The following AP2M1 variants were observed in gnomAD, a reference collection of about 807,000 sequenced individuals.
AP2M1 encodes adaptor related protein complex 2 subunit mu 1.
AP2M1 carries 5 observed loss-of-function variants against 54.5 expected under a neutral mutation model. The observed-to-expected ratio is 0.09, with a 90% CI of 0.05 to 0.19. The LOEUF (loss-of-function observed/expected upper bound fraction) is 0.19. AP2M1 is among the 10% of genes least tolerant of loss of function. AP2M1 has a pLI of 1.00. For synonymous variants in AP2M1, 186 were observed against 208.2 expected, an observed-to-expected ratio of 0.89 and a Z score of 0.92; for missense variants, 178 against 580.2, an observed-to-expected ratio of 0.31 and a Z score of 7.12.
intron 2 of AP2M1, chr3:184,177,529 G>C: frequency 6.5e-7 from 1 of 1,535,464 alleles, no homozygotes; most frequent in Non-Finnish European, 8.7e-7. Context: ...ATCCTCTCCT[G>C]CTCCCTTTCT....
chr3:184,179,183 G>A (rs1715187429), intron 3 of AP2M1, 61 bp downstream of exon 3: 11 of 1,586,634 alleles, frequency 6.9e-6, no homozygotes, highest in Non-Finnish European at 8.6e-6. Flanking sequence ...GGCTGGGCCT[G>A]GCCTGAAGGT....
At position 184,180,707 on chromosome 3, in the gene AP2M1, G is replaced by A. The variant is rs772615712; in HGVS notation, c.429+57G>A. 4.3e-6 allele frequency: 7 copies of A among 1,614,198 alleles called. No individual in the cohort carries two copies. Among genetic ancestry groups the A allele is most frequent in the Non-Finnish European group, 5.9e-6 (7 of 1,180,026 alleles). ...GCTTTGCTTTGTTTCTCCAGGCCCTGCCCTTTGGGGCTTATAGGGGAAAAT... is the reference window on the plus strand; with the variant it reads ...GCTTTGCTTTGTTTCTCCAGGCCCTACCCTTTGGGGCTTATAGGGGAAAAT... On this transcript the variant is annotated intron_variant, in intron 5 of 11. Transcript: ENST00000292807. This position sits in a 1 kb window ranked among gnomAD's most constrained non-coding sequence, Gnocchi z 4.9.
At chr3:184,177,100 C>G in intron 2 of AP2M1, 33 bp downstream of exon 2, 2 of 1,597,546 alleles carry the variant, frequency 1.3e-6, no homozygotes, top group Non-Finnish European at 1.7e-6. Flanking sequence ...CTGTGCCCCA[C>G]CACTCCAGCC....
rs1411264021 is a variant in AP2M1, at chr3:184,178,834, C to T, written c.75-23C>T. On this transcript the variant is annotated intron_variant, in intron 2 of 11. Coordinates refer to ENST00000292807, the MANE Select transcript of AP2M1 (RefSeq NM_004068.4). This position sits in a 1 kb window ranked among gnomAD's most constrained non-coding sequence, Gnocchi z 4.9. ...AAGGTTCACCTGGGTGCTGAGCAGG[C>T]CCTATGCACTCTTTTCCCTCAGGAG... The T allele has an allele frequency of 6.2e-7, 1 of 1,611,642 alleles. No individual in the cohort carries two copies. Among genetic ancestry groups the T allele is most frequent in the Admixed American group, 1.7e-5 (1 of 59,972 alleles).
Position 184,182,940 on chromosome 3 carries a change from C to A in AP2M1, c.1173+72C>A, listed in dbSNP as rs1226821326. ...ACCTCTTAGAGATCATTCCGATAAA[C>A]TGCTGCACCTTAGAGGTGAGGAAAC... On this transcript the variant is annotated intron_variant, in intron 11 of 11. Coordinates refer to ENST00000292807, the MANE Select transcript of AP2M1 (RefSeq NM_004068.4). This position sits in a 1 kb window ranked among gnomAD's most constrained non-coding sequence, Gnocchi z 5.5. 1 of 1,333,878 alleles carries A rather than the reference C, an allele frequency of 7.5e-7. No homozygotes were observed. The highest frequency in any genetic ancestry group is 1.1e-6 in the Non-Finnish European group (1 of 937,450). The allele number at this position is 1,333,878 out of a possible 1,614,324, so 82.6% of individuals were successfully genotyped here.
In AP2M1 at chr3:184,177,025, A is replaced by AG; in HGVS notation, c.37dup (p.Glu13GlyfsTer11). ...GGAGGCTTATTCATCTATAATCACA[A>AG]GGGGGAGGTGCTCATCTCCCGAGTC... On this transcript the variant is annotated frameshift_variant, in exon 2 of 12. Coordinates refer to ENST00000292807, the MANE Select transcript of AP2M1 (RefSeq NM_004068.4). LOFTEE classifies it high-confidence loss of function. 1 of 1,613,854 alleles carries AG rather than the reference A, an allele frequency of 6.2e-7. No individual in the cohort carries two copies. Among genetic ancestry groups the AG allele is most frequent in the Non-Finnish European group, 8.5e-7 (1 of 1,179,940 alleles).
Position 184,181,488 on chromosome 3 carries a change from C to T in AP2M1, c.708-208C>T. ...CAGCCTCTGCCCAGTGTGCCTGAAA[C>T]ACCCAGGTCCCTAGCAGAAGGAGCC... On this transcript the variant is annotated intron_variant, in intron 7 of 11. Transcript: ENST00000292807. This position sits in a 1 kb window ranked among gnomAD's most constrained non-coding sequence, Gnocchi z 5.7. 2 of 832,414 alleles carry T rather than the reference C, an allele frequency of 2.4e-6. No individual in the cohort carries two copies. Among genetic ancestry groups the T allele is most frequent in the Non-Finnish European group, 3.7e-6 (2 of 547,632 alleles). 51.6% of individuals were successfully genotyped at this position (832,414 alleles called of 1,614,324 possible). A position where few individuals can be genotyped will look rare whatever the true frequency, so the allele number is the denominator to read the frequency against.
In AP2M1 at chr3:184,181,224, G is replaced by A. The variant is rs1264820136; in HGVS notation, c.705G>A (p.Lys235=). ...AAGGCACAGCTGATGAAACAAGCAA[G>A]AGGTGCCTGAGGCAGGAGAGCTGGT... ...QGKGTADETS[K]SGKQSIAIDD... is the part of the protein sequence containing the mutation. Residue 235 remains lysine, a splice_region_variant and synonymous_variant, in exon 7 of 12, where the codon AAG becomes AAA. Transcript: ENST00000292807. This position sits in a 1 kb window ranked among gnomAD's most constrained non-coding sequence, Gnocchi z 5.7. The A allele has an allele frequency of 1.2e-5, 19 of 1,613,906 alleles. No individual in the cohort carries two copies. The highest frequency in any genetic ancestry group is 1.6e-5 in the Non-Finnish European group (19 of 1,180,020).
In AP2M1 at chr3:184,180,080, G is replaced by A; in HGVS notation, c.341-89G>A. The stretch of plus-strand genomic sequence containing the variant: ...TGCGGATGATCCCACATGGGCTTTG[G>A]GAGCTGTGCCGGTCAGATGTGTAGG... On this transcript the variant is annotated intron_variant, in intron 3 of 11. Coordinates refer to ENST00000292807, the MANE Select transcript of AP2M1 (RefSeq NM_004068.4). The surrounding 1 kb of genome is among the most constrained non-coding windows in gnomAD (Gnocchi z 4.9). 15 of 1,233,702 alleles carry A rather than the reference G, an allele frequency of 1.2e-5. 1 individual carries two copies. In the South Asian group the frequency reaches 1.9e-4, roughly 15 times the overall value. 76.4% of individuals were successfully genotyped at this position (1,233,702 alleles called of 1,614,324 possible).
chr3:184,177,503 C>T (rs757194600), intron 2 of AP2M1: 1 of 1,517,786 alleles, frequency 6.6e-7, no homozygotes, highest in Non-Finnish European at 8.8e-7. Flanking sequence ...TGTTGAAAGC[C>T]CCTCCAGGCT....
At chr3:184,179,546 G>T (rs1176951966) in intron 3 of AP2M1, among the ~76,000 whole-genome samples, 1 of 152,126 alleles carries the variant, frequency 6.6e-6, no homozygotes, top group Non-Finnish European at 1.5e-5. Context: ...TGTAGAGTGT[G>T]ATCTAAGAGA....
intron 1 of AP2M1, 163 bp downstream of exon 1, chr3:184,175,122 G>A (rs969213612): frequency 1.0e-5 from 4 of 395,766 alleles, no homozygotes; most frequent in Non-Finnish European, 1.8e-5. Flanking sequence ...TGGGGCGGGG[G>A]CGCCCGGGGC....
In AP2M1 at chr3:184,181,951, G is replaced by A. The variant is rs1715286969; in HGVS notation, c.867G>A (p.Val289=). The change falls in exon 9 of 12, where the codon GTG becomes GTA. Residue 289 remains valine (V), a synonymous_variant. Coordinates refer to ENST00000292807, the MANE Select transcript of AP2M1 (RefSeq NM_004068.4). This position sits in a 1 kb window ranked among gnomAD's most constrained non-coding sequence, Gnocchi z 5.7. ...TTKDIILPFR[V]IPLVREVGRT... Reference sequence around the variant, plus strand: ...AGGACATCATCCTTCCCTTCCGGGTGATCCCGCTAGTGCGAGAAGTGGGAC... The same window carrying A: ...AGGACATCATCCTTCCCTTCCGGGTAATCCCGCTAGTGCGAGAAGTGGGAC... The A allele has an allele frequency of 6.2e-7, 1 of 1,614,082 alleles. No individual in the cohort carries two copies. Among genetic ancestry groups the A allele is most frequent in the African/African-American group, 1.3e-5 (1 of 74,928 alleles).
chr3:184,177,757 T>G, intron 2 of AP2M1: 1 of 771,744 alleles, frequency 1.3e-6, no homozygotes. Flanking sequence ...CCTTGTTCTT[T>G]GCGACTGAAG....
At position 184,180,303 on chromosome 3, in the gene AP2M1, C is replaced by T. The variant is rs759694693; in HGVS notation, c.423+52C>T. 6.3e-7 allele frequency: 1 copy of T among 1,589,900 alleles called. No individual in the cohort carries two copies. The highest frequency in any genetic ancestry group is 2.2e-5 in the East Asian group (1 of 44,672). On this transcript the variant is annotated intron_variant, in intron 4 of 11. Coordinates refer to ENST00000292807, the MANE Select transcript of AP2M1 (RefSeq NM_004068.4). The surrounding 1 kb of genome is among the most constrained non-coding windows in gnomAD (Gnocchi z 4.9). Reference sequence around the variant, plus strand: ...AGGGTGGAGTCCAATCTCCCTTCATCTCAGCTGGCCCCTGAGCCTTGTCTG... The same window carrying T: ...AGGGTGGAGTCCAATCTCCCTTCATTTCAGCTGGCCCCTGAGCCTTGTCTG...
chr3:184,178,085 T>C lies in AP2M1; in HGVS notation c.75-772T>C, dbSNP rs1393881513. ...GCCAGGTCACACGCCGCCTTGCCTGTCTTGTCTGCTTCTGCCTCACGGTGT... is the reference window on the plus strand; with the variant it reads ...GCCAGGTCACACGCCGCCTTGCCTGCCTTGTCTGCTTCTGCCTCACGGTGT... On this transcript the variant is annotated intron_variant, in intron 2 of 11. Coordinates refer to ENST00000292807, the MANE Select transcript of AP2M1 (RefSeq NM_004068.4). The surrounding 1 kb of genome is among the most constrained non-coding windows in gnomAD (Gnocchi z 4.9). 1.7e-6 allele frequency: 2 copies of C among 1,147,250 alleles called. No homozygotes were observed. Among genetic ancestry groups the C allele is most frequent in the East Asian group, 2.7e-5 (1 of 37,330 alleles). 71.1% of individuals were successfully genotyped at this position (1,147,250 alleles called of 1,614,324 possible). A position where few individuals can be genotyped will look rare whatever the true frequency, so the allele number is the denominator to read the frequency against.
At chr3:184,175,107 G>A (rs992097599) in intron 1 of AP2M1, 148 bp downstream of exon 1, 3 of 395,044 alleles carry the variant, frequency 7.6e-6, no homozygotes, top group Non-Finnish European at 4.5e-6. Context: ...GGAGCTAGCT[G>A]ACGGTGGGGC....
Position 184,176,944 on chromosome 3 carries a change from G to A in AP2M1, c.-43-7G>A. The A allele has an allele frequency of 6.3e-7, 1 of 1,598,490 alleles. No individual in the cohort carries two copies. On this transcript the variant is annotated splice_region_variant and splice_polypyrimidine_tract_variant and intron_variant, in intron 1 of 11. Coordinates refer to ENST00000292807, the MANE Select transcript of AP2M1 (RefSeq NM_004068.4). The stretch of plus-strand genomic sequence containing the variant: ...GTCTTCTTTTACCCTGCCCCCGCCT[G>A]TCCTAGGTCTGTTCTCAGAGCGATG...
chr3:184,180,110 A>C lies in AP2M1; in HGVS notation c.341-59A>C. ...TGTGCCGGTCAGATGTGTAGGCCCA[A>C]GTAGGGGCTGGAATGAAGAAGCTCT... On this transcript the variant is annotated intron_variant, in intron 3 of 11. Transcript: ENST00000292807. This position sits in a 1 kb window ranked among gnomAD's most constrained non-coding sequence, Gnocchi z 4.9. The C allele has an allele frequency of 1.3e-6, 2 of 1,564,640 alleles. No homozygotes were observed. The highest frequency in any genetic ancestry group is 1.7e-4 in the Middle Eastern group (1 of 5,980).
Sources: gnomAD v4.1 joint callset for allele counts (sites outside exome capture counted in the v4.1 genomes callset) on GRCh38, gnomAD v4.1.1 for gene constraint, Gnocchi (gnomAD v3.1) non-coding constraint, MANE v1.5 for transcripts, NCBI Gene and HGNC (gene_info 2026-07-23, HGNC 2026-07-21) for gene names.